GABRQ: variants seen among roughly 807,000 people sequenced by gnomAD.
GABRQ encodes the protein gamma-aminobutyric acid receptor subunit theta.
GABRQ carries 19 observed loss-of-function variants against 30.5 expected under a neutral mutation model. The observed-to-expected ratio is 0.62, with a 90% confidence interval of 0.43 to 0.91. GABRQ has a LOEUF of 0.91. Among genes scored for constraint, GABRQ ranks in the 40% least tolerant of loss-of-function variants. The pLI is 0.00. For synonymous variants in GABRQ, 187 were observed against 210.2 expected, an observed-to-expected ratio of 0.89 and a Z score of 0.95; for missense variants, 520 against 521.4, an observed-to-expected ratio of 1.00 and a Z score of 0.03.
rs1483563544 is a variant in GABRQ at position 152,655,628 on chromosome X, G to GGA, written c.*2348_*2349dup. On this transcript the variant is annotated 3_prime_UTR_variant, in exon 9 of 9. Coordinates refer to ENST00000598523, the MANE Select transcript of GABRQ (RefSeq NM_018558.4). ...GAGCTAAAATTGCCTCTTTATTTTTGGATACCCCATACAGAGATTCAGGTG... is the reference window on the plus strand; with the variant it reads ...GAGCTAAAATTGCCTCTTTATTTTTGGAGATACCCCATACAGAGATTCAGGTG... 8.9e-6 allele frequency: 1 copy of GGA among 111,736 alleles called. No homozygotes were observed. The highest frequency in any genetic ancestry group is 2.8e-4 in the East Asian group (1 of 3,536). The allele number at this position is 111,736 out of a possible 1,213,427, so 9.2% of individuals were successfully genotyped here.
chrX:152,653,099 G>C lies in GABRQ; in HGVS notation c.1717G>C (p.Asp573His). ...GCTCATGGCCCATGGCCAAGAGAAG[G>C]ACAGTAGCTCAGAGTCTGAGGATAG... ...DELMAHGQEK[D>H]SSSESEDSCP... Residue 573 changes from aspartate (D) to histidine (H), a missense_variant, in exon 9 of 9, where the codon GAC (aspartate) becomes CAC (histidine). Transcript: ENST00000598523. The C allele has an allele frequency of 1.7e-6, 2 of 1,211,049 alleles. No individual in the cohort carries two copies. The highest frequency in any genetic ancestry group is 1.1e-6 in the Non-Finnish European group (1 of 894,519).
chrX:152,649,658 TG>T, intron 5 of GABRQ, 83 bp from the exon 6 acceptor site: 1 of 770,472 alleles, frequency 1.3e-6, no homozygotes, highest in Non-Finnish European at 1.9e-6. Flanking sequence ...TGCAAGTTAG[TG>T]GGTAGGAGCT....
In GABRQ at chrX:152,651,575, T is replaced by A; in HGVS notation, c.951T>A (p.Asp317Glu). ...CCACCATCGACTCACATCTGCGGGA[T>A]AAGCTCCCCAACATTTCCTGTATCA... ...ILTTIDSHLR[D>E]KLPNISCIKA... The change falls in exon 8 of 9, where the codon GAT becomes GAA. Residue 317 changes from aspartate (D) to glutamate (E), a missense_variant. Coordinates refer to ENST00000598523, the MANE Select transcript of GABRQ (RefSeq NM_018558.4). 8.3e-7 allele frequency: 1 copy of A among 1,206,886 alleles called. No homozygotes were observed. The highest frequency in any genetic ancestry group is 3.0e-5 in the East Asian group (1 of 33,833).
intron 8 of GABRQ, 42 bp from the exon 9 acceptor site, chrX:152,652,499 G>A (rs781818781): frequency 9.8e-6 from 11 of 1,119,970 alleles, no homozygotes; most frequent in Non-Finnish European, 1.2e-5. Flanking sequence ...TATCCATCTA[G>A]GCGATATGAA....
At chrX:152,638,432 G>A (rs1556817779) in intron 1 of GABRQ, 81 bp downstream of exon 1, 3 of 993,663 alleles carry the variant, frequency 3.0e-6, no homozygotes, top group African/African-American at 1.9e-5. Flanking sequence ...TGGACGGAGC[G>A]GGCTGGGGGC....
chrX:152,652,690 TTC>T lies in GABRQ; in HGVS notation c.1315_1316del (p.Ser439ArgfsTer30). On this transcript the variant is annotated frameshift_variant, in exon 9 of 9. Coordinates refer to ENST00000598523, the MANE Select transcript of GABRQ (RefSeq NM_018558.4). LOFTEE classifies it low-confidence loss of function (END_TRUNC). ...CCTCGGAAAGCCTCAGCCCACTCAC[TTC>T]TCTCTCAGGCCAGGCCCCCCTGGCC... ...ATSESLSPLT[S>X]LSGQAPLATG... The T allele has an allele frequency of 8.3e-7, 1 of 1,210,593 alleles. No individual in the cohort carries two copies. Among genetic ancestry groups the T allele is most frequent in the Admixed American group, 2.2e-5 (1 of 46,062 alleles).
At chrX:152,658,133 G>A (rs181309615), downstream of GABRQ, among the ~76,000 whole-genome samples, 32 of 111,558 alleles carry the variant, frequency 2.9e-4, no homozygotes, top group African/African-American at 6.8e-4. Context: ...AGCTCTCCAC[G>A]CACCAACTCC....
chrX:152,638,819 G>A (rs1930677791), intron 1 of GABRQ, among the ~76,000 whole-genome samples: 1 of 110,987 alleles, frequency 9.0e-6, no homozygotes, highest in Admixed American at 9.5e-5. Context: ...AGGCGCGCGC[G>A]CGTGCATGCA....
In GABRQ at chrX:152,656,247, CCT is replaced by C. The variant is rs1556821150; in HGVS notation, c.*2967_*2968del. 1 of 110,598 alleles carries C rather than the reference CCT, an allele frequency of 9.0e-6. No homozygotes were observed. The highest frequency in any genetic ancestry group is 3.3e-5 in the African/African-American group (1 of 30,239). 9.1% of individuals were successfully genotyped at this position (110,598 alleles called of 1,213,427 possible). A position where few individuals can be genotyped will look rare whatever the true frequency, so the allele number is the denominator to read the frequency against. ...GCCCCTCCCCAGCCTGCAGTCACCCCCTGTCCAGCAAGCTGCCTCCATCCCAT... is the reference window on the plus strand; with the variant it reads ...GCCCCTCCCCAGCCTGCAGTCACCCCGTCCAGCAAGCTGCCTCCATCCCAT... On this transcript the variant is annotated 3_prime_UTR_variant, in exon 9 of 9. Coordinates refer to ENST00000598523, the MANE Select transcript of GABRQ (RefSeq NM_018558.4).
intron 2 of GABRQ, among the ~76,000 whole-genome samples, chrX:152,642,558 C>G (rs1930784089): frequency 8.9e-6 from 1 of 112,795 alleles, no homozygotes; most frequent in Admixed American, 9.3e-5. Flanking sequence ...GAGGGCCTCA[C>G]CTAGCTTAGC....
In GABRQ at chrX:152,639,378, G is replaced by GCACACA. The variant is rs199710373; in HGVS notation, c.150-979_150-974dup. ...ACTGAACATGCACACATGCGCGTGCGCACACACACACACACACACACACAC... is the reference window on the plus strand; with the variant it reads ...ACTGAACATGCACACATGCGCGTGCGCACACACACACACACACACACACACACACAC... On this transcript the variant is annotated intron_variant, in intron 1 of 8. Coordinates refer to ENST00000598523, the MANE Select transcript of GABRQ (RefSeq NM_018558.4). Among the ~76,000 whole-genome samples, 461 of 103,352 alleles carry GCACACA rather than the reference G, an allele frequency of 4.5e-3. 4 individuals carry two copies. Among genetic ancestry groups the GCACACA allele is most frequent in the African/African-American group, 0.016 (434 of 27,861 alleles). The allele number at this position is 103,352 out of a possible 115,157, so 89.7% of individuals were successfully genotyped here. A position where few individuals can be genotyped will look rare whatever the true frequency, so the allele number is the denominator to read the frequency against.
In GABRQ at chrX:152,652,675, C is replaced by A; in HGVS notation, c.1293C>A (p.Ser431Arg). 7 of 1,211,688 alleles carry A rather than the reference C, an allele frequency of 5.8e-6. No homozygotes were observed. The highest frequency in any genetic ancestry group is 5.6e-6 in the Non-Finnish European group (5 of 895,205). ...SEQAQLATSE[S>R]LSPLTSLSGQ... ...AGGCCCAGCTGGCCACCTCGGAAAG[C>A]CTCAGCCCACTCACTTCTCTCTCAG... The change falls in exon 9 of 9, where the codon AGC (serine) becomes AGA (arginine). Residue 431 changes from serine to arginine, a missense_variant. By Grantham distance (110) the Ser-to-Arg change is moderately radical. Transcript: ENST00000598523.
At position 152,644,188 on chromosome X, in the gene GABRQ, G is replaced by A. The variant is rs782727996; in HGVS notation, c.239-1339G>A. On this transcript the variant is annotated intron_variant, in intron 2 of 8. Coordinates refer to ENST00000598523, the MANE Select transcript of GABRQ (RefSeq NM_018558.4). Reference sequence around the variant, plus strand: ...ACTCACATTCACCCACACACAAATAGGCCCACATACACAAACACACTCACA... The same window carrying A: ...ACTCACATTCACCCACACACAAATAAGCCCACATACACAAACACACTCACA... Among the ~76,000 whole-genome samples the A allele has an allele frequency of 2.8e-5, 3 of 108,659 alleles. No homozygotes were observed. In the South Asian group the frequency reaches 1.2e-3, roughly 44 times the overall value. 94.4% of individuals were successfully genotyped at this position (108,659 alleles called of 115,157 possible).
intron 1 of GABRQ, among the ~76,000 whole-genome samples, chrX:152,639,397 C>CACAG (rs1190869819): frequency 9.0e-6 from 1 of 111,539 alleles, no homozygotes; most frequent in African/African-American, 3.3e-5. Context: ...CACACACACA[C>CACAG]ACACACAAAC....
At position 152,640,361 on chromosome X, in the gene GABRQ, T is replaced by C; in HGVS notation, c.150-17T>C. 1 of 1,132,344 alleles carries C rather than the reference T, an allele frequency of 8.8e-7. No homozygotes were observed. Among genetic ancestry groups the C allele is most frequent in the African/African-American group, 1.8e-5 (1 of 56,336 alleles). 93.3% of individuals were successfully genotyped at this position (1,132,344 alleles called of 1,213,427 possible). On this transcript the variant is annotated splice_polypyrimidine_tract_variant and intron_variant, in intron 1 of 8. Coordinates refer to ENST00000598523, the MANE Select transcript of GABRQ (RefSeq NM_018558.4). ...CCCCAAGTCAACCGGCATTTACTTA[T>C]GACTTCTCTGTTTCAGCAAAAATTG...
In GABRQ at chrX:152,651,643, T is replaced by G. The variant is rs1556820243; in HGVS notation, c.1019T>G (p.Phe340Cys). The change falls in exon 8 of 9, where the codon TTC (phenylalanine) becomes TGC (cysteine). Residue 340 changes from phenylalanine (F) to cysteine (C), a missense_variant. Physicochemically the swap from Phe to Cys is radical, Grantham distance 205. Transcript: ENST00000598523. ...ATCCTCGTGTGCTTGTTCTTTGTGT[T>G]CCTGTCCTTGCTGGAGTATGTCTAC... is the stretch of plus-strand genomic sequence containing the variant. ...IYILVCLFFV[F>C]LSLLEYVYIN... The G allele has an allele frequency of 8.3e-7, 1 of 1,211,516 alleles. No homozygotes were observed. The highest frequency in any genetic ancestry group is 3.0e-5 in the East Asian group (1 of 33,843).
chrX:152,641,036 G>C (rs1930744382), intron 2 of GABRQ, among the ~76,000 whole-genome samples: 1 of 111,285 alleles, frequency 9.0e-6, no homozygotes, highest in Non-Finnish European at 1.9e-5. Context: ...AACTTTTAAT[G>C]GTTTTATCTA....
Position 152,653,221 on chromosome X carries a change from C to A in GABRQ, c.1839C>A (p.Phe613Leu). The change falls in exon 9 of 9, where the codon TTC becomes TTA. Residue 613 changes from phenylalanine (F) to leucine (L), a missense_variant. Physicochemically the swap from Phe to Leu is conservative, Grantham distance 22. Transcript: ENST00000598523. ...YVPKVDKWSR[F>L]LFPLAFGLFN... ...CAAAGGTCGACAAGTGGTCCCGGTT[C>A]CTCTTCCCTCTGGCCTTTGGGTTGT... 1 of 1,199,834 alleles carries A rather than the reference C, an allele frequency of 8.3e-7. No individual in the cohort carries two copies. The highest frequency in any genetic ancestry group is 1.1e-6 in the Non-Finnish European group (1 of 884,823).
chrX:152,641,790 T>C (rs1230850254), intron 2 of GABRQ, among the ~76,000 whole-genome samples: 1 of 112,639 alleles, frequency 8.9e-6, no homozygotes, highest in Non-Finnish European at 1.9e-5. Flanking sequence ...CAGCACGTCC[T>C]TGTATGGCAG....
Sources: allele counts gnomAD v4.1 joint callset (sites outside exome capture counted in the v4.1 genomes callset), GRCh38; gene constraint gnomAD v4.1.1; transcripts MANE v1.5; gene names NCBI Gene and HGNC (gene_info 2026-07-23, HGNC 2026-07-21).